Variants in CCDC50 observed in about 807,000 individuals in gnomAD.
The protein encoded by CCDC50 is coiled-coil domain containing 50, also known as coiled-coil domain-containing protein 50.
In CCDC50, 54 loss-of-function variants were observed where a neutral mutation model predicts 70.2. The observed-to-expected ratio is 0.77, with a 90% confidence interval of 0.62 to 0.96. The LOEUF (loss-of-function observed/expected upper bound fraction) is 0.96, where lower values mean the gene tolerates loss of function less well. Ranked by LOEUF, CCDC50 falls within the 50% of genes least tolerant of loss-of-function variation. The pLI, the probability that CCDC50 is intolerant of heterozygous loss-of-function variation, is 0.00. For missense variants in CCDC50, 558 were observed against 578.7 expected (o/e 0.96, Z 0.37); for synonymous variants, 216 against 198.8 (o/e 1.09, Z -0.73).
At chr3:191,340,234 C>G (rs542683056) in intron 1 of CCDC50, among the ~76,000 whole-genome samples, 26 of 152,248 alleles carry the variant, frequency 1.7e-4, no homozygotes, top group African/African-American at 6.3e-4. Flanking sequence ...GCTGACAGAG[C>G]CAAGACTAAA....
intron 4 of CCDC50, among the ~76,000 whole-genome samples, chr3:191,363,118 G>T (rs1452148787): frequency 6.6e-6 from 1 of 151,468 alleles, no homozygotes; most frequent in Non-Finnish European, 1.5e-5. Context: ...GATAGAAAGA[G>T]AAAATAAAAC....
chr3:191,371,431 C>T (rs747221019), intron 5 of CCDC50, among the ~76,000 whole-genome samples: 4 of 152,314 alleles, frequency 2.6e-5, no homozygotes, highest in Non-Finnish European at 5.9e-5. Context: ...AAGACCAATA[C>T]TTAGGATCAC....
chr3:191,372,396 C>A (rs1712942633), intron 5 of CCDC50, among the ~76,000 whole-genome samples: 1 of 152,074 alleles, frequency 6.6e-6, no homozygotes, highest in African/African-American at 2.4e-5. Flanking sequence ...AACATGGAGT[C>A]CTCATTAATA....
At chr3:191,382,256 C>T (rs994846627) in intron 9 of CCDC50, among the ~76,000 whole-genome samples, 1 of 152,120 alleles carries the variant, frequency 6.6e-6, no homozygotes, top group Non-Finnish European at 1.5e-5. Context: ...TGATACAGTT[C>T]CTCTCTTGGA....
chr3:191,367,236 A>C (rs1205465791), intron 4 of CCDC50, among the ~76,000 whole-genome samples: 1 of 152,088 alleles, frequency 6.6e-6, no homozygotes, highest in Non-Finnish European at 1.5e-5. Context: ...CATTACAAAG[A>C]AGGGCTGTAA....
intron 6 of CCDC50, among the ~76,000 whole-genome samples, chr3:191,379,654 C>G (rs183541561): frequency 6.8e-4 from 104 of 152,226 alleles, no homozygotes; most frequent in African/African-American, 2.4e-3. Flanking sequence ...CACTGCTTGT[C>G]TCACAGGTAT....
At chr3:191,381,047 T>C (rs1713301431) in intron 9 of CCDC50, 115 bp downstream of exon 9, 1 of 802,782 alleles carries the variant, frequency 1.2e-6, no homozygotes, top group Non-Finnish European at 2.0e-6. Context: ...ATATAAATTA[T>C]CTGTATTGCA....
At position 191,391,772 on chromosome 3, in the gene CCDC50, T is replaced by C; in HGVS notation, c.*12T>C. The stretch of plus-strand genomic sequence containing the variant: ...ATTACAAACATTAAAAACCTAGGAA[T>C]CTGCCTTGAAAATGGACTCACTATA... On this transcript the variant is annotated 3_prime_UTR_variant, in exon 12 of 12. Transcript: ENST00000392455. The C allele has an allele frequency of 6.2e-7, 1 of 1,611,390 alleles. No individual in the cohort carries two copies. The highest frequency in any genetic ancestry group is 8.5e-7 in the Non-Finnish European group (1 of 1,178,032).
At chr3:191,342,751 T>G (rs1446745881) in intron 1 of CCDC50, among the ~76,000 whole-genome samples, 1 of 152,248 alleles carries the variant, frequency 6.6e-6, no homozygotes, top group African/African-American at 2.4e-5. Flanking sequence ...GGTTGGAGTT[T>G]CTTTAGGGAT....
rs1273559532 is a variant in CCDC50 at position 191,351,059 on chromosome 3, G to A, written c.50-6029G>A. 2.8e-5 allele frequency among the ~76,000 whole-genome samples: 4 copies of A among 141,056 alleles called. 2 individuals carry two copies. The highest frequency in any genetic ancestry group is 1.0e-4 in the African/African-American group (4 of 39,630). The allele number at this position is 141,056 out of a possible 152,430, so 92.5% of individuals were successfully genotyped here. On this transcript the variant is annotated intron_variant, in intron 1 of 11. Transcript: ENST00000392455. Reference sequence around the variant, plus strand: ...TTTGTCCCTGAGAAAAAGATAAGGGGATTCTAAAGACTCTTACCCCATCAC... The same window carrying A: ...TTTGTCCCTGAGAAAAAGATAAGGGAATTCTAAAGACTCTTACCCCATCAC...
chr3:191,352,046 C>T (rs1712123135), intron 1 of CCDC50, among the ~76,000 whole-genome samples: 1 of 142,108 alleles, frequency 7.0e-6, no homozygotes, highest in African/African-American at 2.5e-5. Flanking sequence ...GTTTAAATCA[C>T]CCCCACTTCT....
At chr3:191,371,563 G>T (rs1326674886) in intron 5 of CCDC50, among the ~76,000 whole-genome samples, 3 of 152,158 alleles carry the variant, frequency 2.0e-5, no homozygotes, top group Non-Finnish European at 4.4e-5. Context: ...AGGTAAATAT[G>T]TGTTTCTCTG....
At chr3:191,374,341 A>G (rs1236384125) in intron 5 of CCDC50, among the ~76,000 whole-genome samples, 1 of 152,172 alleles carries the variant, frequency 6.6e-6, no homozygotes, top group Non-Finnish European at 1.5e-5. Flanking sequence ...TCCTTTTTAT[A>G]TATTCCATCA....
At chr3:191,361,672 A>G (rs1576960678) in intron 4 of CCDC50, among the ~76,000 whole-genome samples, 2 of 152,348 alleles carry the variant, frequency 1.3e-5, no homozygotes, top group Middle Eastern at 6.8e-3. Context: ...GACATCAGTC[A>G]TTGAATTGAG....
chr3:191,357,836 G>A (rs775458269), intron 2 of CCDC50, among the ~76,000 whole-genome samples, 162 bp from the exon 3 acceptor site: 70 of 152,120 alleles, frequency 4.6e-4, no homozygotes, highest in Non-Finnish European at 7.3e-5. Flanking sequence ...GAAAAGTGGG[G>A]ATAATAATTC....
intron 1 of CCDC50, among the ~76,000 whole-genome samples, chr3:191,347,974 T>G (rs560282969): frequency 7.0e-6 from 1 of 142,640 alleles, no homozygotes; most frequent in South Asian, 2.2e-4. Flanking sequence ...ATGTTGGAGA[T>G]AAAATGATCC....
chr3:191,391,445 C>T lies in CCDC50; in HGVS notation c.1430-296C>T, dbSNP rs9868495. ...AAACATCTTCATCAACACATCCCACCTCAACTTCCATCAGTTGGTGGCATT... is the reference window on the plus strand; with the variant it reads ...AAACATCTTCATCAACACATCCCACTTCAACTTCCATCAGTTGGTGGCATT... On this transcript the variant is annotated intron_variant, in intron 11 of 11. Coordinates refer to ENST00000392455, the MANE Select transcript of CCDC50 (RefSeq NM_178335.3). Among the ~76,000 whole-genome samples the T allele has an allele frequency of 0.18, 27,325 of 152,138 alleles. 3,055 individuals carry two copies. The highest frequency in any genetic ancestry group is 0.24 in the Non-Finnish European group (16,413 of 67,962).
Position 191,389,526 on chromosome 3 carries a change from A to G in CCDC50, c.1353A>G (p.Glu451=). 2 of 1,614,118 alleles carry G rather than the reference A, an allele frequency of 1.2e-6. No individual in the cohort carries two copies. The highest frequency in any genetic ancestry group is 3.3e-4 in the Middle Eastern group (2 of 6,062). The stretch of plus-strand genomic sequence containing the variant: ...CACCACCTATCATGACAGATGGTGA[A>G]GATGCGGATTACACTCATTTTACAA... The part of the protein sequence containing the change: ...RPPPPIMTDG[E]DADYTHFTNQ... The change falls in exon 11 of 12, where the codon GAA becomes GAG. Residue 451 remains glutamate, a synonymous_variant. Transcript: ENST00000392455.
chr3:191,345,039 G>A (rs1171475592), intron 1 of CCDC50, among the ~76,000 whole-genome samples: 1 of 152,146 alleles, frequency 6.6e-6, no homozygotes, highest in Non-Finnish European at 1.5e-5. Flanking sequence ...CAGAGCCCAG[G>A]AATCAATTTG....
Sources: gnomAD v4.1 joint callset for allele counts (sites outside exome capture counted in the v4.1 genomes callset) on GRCh38, gnomAD v4.1.1 for gene constraint, MANE v1.5 for transcripts, NCBI Gene and HGNC (gene_info 2026-07-23, HGNC 2026-07-21) for gene names.